The following UBE2N variants were observed in gnomAD, a reference collection of about 807,000 sequenced individuals.
UBE2N encodes the protein ubiquitin-conjugating enzyme E2 N.
For synonymous variants in UBE2N, 70 were observed against 69.2 expected (o/e 1.01, Z -0.06); for missense variants, 60 against 192.1 (o/e 0.31, Z 4.07).
At chr12:93,436,162 C>T (rs1187682492) in intron 1 of UBE2N, among the ~76,000 whole-genome samples, 3 of 152,106 alleles carry the variant, frequency 2.0e-5, no homozygotes, top group Non-Finnish European at 2.9e-5. Flanking sequence ...AGTGCAGTGG[C>T]GCGATCTAGG....
At chr12:93,431,550 G>A (rs141180125) in intron 1 of UBE2N, among the ~76,000 whole-genome samples, 5 of 152,212 alleles carry the variant, frequency 3.3e-5, no homozygotes, top group Non-Finnish European at 7.4e-5. Flanking sequence ...ATTAATGCAC[G>A]TAACATGCTT....
intron 1 of UBE2N, among the ~76,000 whole-genome samples, chr12:93,433,596 T>C (rs1289284939): frequency 6.6e-6 from 1 of 152,176 alleles, no homozygotes; most frequent in Non-Finnish European, 1.5e-5. Context: ...TTCCTTGATA[T>C]AATATTATTA....
chr12:93,421,393 G>C (rs1029797184), intron 1 of UBE2N, among the ~76,000 whole-genome samples: 1 of 152,052 alleles, frequency 6.6e-6, no homozygotes, highest in Non-Finnish European at 1.5e-5. Context: ...TAGTAGAGAC[G>C]GAGTTTCACC....
chr12:93,425,861 C>A (rs1156382927), intron 1 of UBE2N, among the ~76,000 whole-genome samples: 1 of 152,182 alleles, frequency 6.6e-6, no homozygotes, highest in Non-Finnish European at 1.5e-5. Flanking sequence ...CTTCTTTTGC[C>A]CCTCTAGGCA....
At chr12:93,440,796 C>T (rs1237039212) in intron 1 of UBE2N, among the ~76,000 whole-genome samples, 1 of 152,212 alleles carries the variant, frequency 6.6e-6, no homozygotes, top group African/African-American at 2.4e-5. Flanking sequence ...CGTCTGAAGA[C>T]TTGTCGATAT....
Position 93,407,428 on chromosome 12 carries a change from T to C in UBE2N, c.*2611A>G, listed in dbSNP as rs910662656. 5.3e-5 allele frequency: 8 copies of C among 152,362 alleles called. No homozygotes were observed. The highest frequency in any genetic ancestry group is 1.7e-4 in the African/African-American group (7 of 41,582). The allele number at this position is 152,362 out of a possible 1,614,324, so 9.4% of individuals were successfully genotyped here. A position where few individuals can be genotyped will look rare whatever the true frequency, so the allele number is the denominator to read the frequency against. Reference sequence around the variant, plus strand: ...GCAAACATGAAACACTTTTGTTGAATAATGTGTTTCCTTTAGCCCAGGGAT... The same window carrying C: ...GCAAACATGAAACACTTTTGTTGAACAATGTGTTTCCTTTAGCCCAGGGAT... On this transcript the variant is annotated 3_prime_UTR_variant, in exon 4 of 4. Transcript: ENST00000318066.
chr12:93,412,999 T>C (rs1315181327), intron 1 of UBE2N, among the ~76,000 whole-genome samples: 1 of 152,226 alleles, frequency 6.6e-6, no homozygotes. Flanking sequence ...CCTAATTAGA[T>C]GGGGAGGAAA....
intron 1 of UBE2N, among the ~76,000 whole-genome samples, chr12:93,430,877 G>A (rs1173172281): frequency 2.7e-5 from 4 of 150,628 alleles, no homozygotes; most frequent in Non-Finnish European, 4.4e-5. Context: ...TACTCGGGAT[G>A]CTGAGGCTGC....
chr12:93,418,376 A>G (rs1297851858), intron 1 of UBE2N, among the ~76,000 whole-genome samples: 1 of 152,002 alleles, frequency 6.6e-6, no homozygotes, highest in African/African-American at 2.4e-5. Flanking sequence ...AAACAAAACA[A>G]AACAAAACAA....
At position 93,440,248 on chromosome 12, in the gene UBE2N, A is replaced by T. The variant is rs139233803; in HGVS notation, c.30+1607T>A. Among the ~76,000 whole-genome samples, 5 of 152,322 alleles carry T rather than the reference A, an allele frequency of 3.3e-5. No homozygotes were observed. In the East Asian group the frequency reaches 9.6e-4, roughly 29 times the overall value. On this transcript the variant is annotated intron_variant, in intron 1 of 3. Transcript: ENST00000318066. ...TTTTTCAACTGGGGCCTCAATAAAC[A>T]TGACCTTTGGGGACCATGTGACTGC...
At chr12:93,425,373 T>C (rs1390309102) in intron 1 of UBE2N, among the ~76,000 whole-genome samples, 2 of 152,218 alleles carry the variant, frequency 1.3e-5, no homozygotes, top group Non-Finnish European at 2.9e-5. Context: ...ATTTCTACCA[T>C]CTTGAAAGTC....
chr12:93,436,576 G>C (rs1197661731), intron 1 of UBE2N, among the ~76,000 whole-genome samples: 1 of 152,070 alleles, frequency 6.6e-6, no homozygotes. Context: ...TCTCATTTGA[G>C]GGACATTTTA....
At chr12:93,432,591 ATT>A (rs752070930) in intron 1 of UBE2N, among the ~76,000 whole-genome samples, 5 of 152,300 alleles carry the variant, frequency 3.3e-5, no homozygotes, top group East Asian at 1.9e-4. Context: ...CATGATATAA[ATT>A]TGTTAGTTCT....
intron 1 of UBE2N, among the ~76,000 whole-genome samples, chr12:93,421,359 G>A (rs146592876): frequency 9.0e-4 from 137 of 151,986 alleles, no homozygotes; most frequent in African/African-American, 3.2e-3. Flanking sequence ...CCACCACCTC[G>A]CCCAGCTAAA....
chr12:93,405,895 A>T lies in UBE2N; in HGVS notation c.*4144T>A, dbSNP rs750114477. The T allele has an allele frequency of 6.6e-6, 1 of 152,214 alleles. No individual in the cohort carries two copies. Among genetic ancestry groups the T allele is most frequent in the Admixed American group, 6.5e-5 (1 of 15,280 alleles). The allele number at this position is 152,214 out of a possible 1,614,324, so 9.4% of individuals were successfully genotyped here. ...TTTTTCTTAAATAAAGCAATAAATT[A>T]GGTACCCTATTATCATGGTATTTTC... On this transcript the variant is annotated 3_prime_UTR_variant, in exon 4 of 4. Coordinates refer to ENST00000318066, the MANE Select transcript of UBE2N (RefSeq NM_003348.4).
chr12:93,420,356 A>C (rs1291453382), intron 1 of UBE2N, among the ~76,000 whole-genome samples: 1 of 152,200 alleles, frequency 6.6e-6, no homozygotes, highest in Non-Finnish European at 1.5e-5. Flanking sequence ...TGTGAAGCTC[A>C]GTGAAAAGGA....
At chr12:93,432,004 CG>C (rs945244393) in intron 1 of UBE2N, among the ~76,000 whole-genome samples, 1 of 152,116 alleles carries the variant, frequency 6.6e-6, no homozygotes. Context: ...GAGGCTGAGG[CG>C]GGCGGATCAC....
rs761995234 is a variant in UBE2N at position 93,409,988 on chromosome 12, G to A, written c.*51C>T. 4 of 1,576,640 alleles carry A rather than the reference G, an allele frequency of 2.5e-6. No individual in the cohort carries two copies. Among genetic ancestry groups the A allele is most frequent in the South Asian group, 1.1e-5 (1 of 89,590 alleles). On this transcript the variant is annotated 3_prime_UTR_variant, in exon 4 of 4. Coordinates refer to ENST00000318066, the MANE Select transcript of UBE2N (RefSeq NM_003348.4). Reference sequence around the variant, plus strand: ...TCCATTAAATGCAAACAAAGAGGAGGAAGTCTTGGCAGAACAGGAGAAGTG... The same window carrying A: ...TCCATTAAATGCAAACAAAGAGGAGAAAGTCTTGGCAGAACAGGAGAAGTG...
rs191289755 is a variant in UBE2N, at chr12:93,409,176, G to A, written c.*863C>T. The A allele has an allele frequency of 1.3e-5, 2 of 152,694 alleles. No homozygotes were observed. Among genetic ancestry groups the A allele is most frequent in the Admixed American group, 6.5e-5 (1 of 15,300 alleles). The allele number at this position is 152,694 out of a possible 1,614,324, so 9.5% of individuals were successfully genotyped here. On this transcript the variant is annotated 3_prime_UTR_variant, in exon 4 of 4. Transcript: ENST00000318066. ...GGCCAGTTTATAAATACTCCATTCA[G>A]TACTATCTTAACACAAATCTGCATC...
Sources: allele counts gnomAD v4.1 joint callset (sites outside exome capture counted in the v4.1 genomes callset), GRCh38; gene constraint gnomAD v4.1.1; transcripts MANE v1.5; gene names NCBI Gene and HGNC (gene_info 2026-07-23, HGNC 2026-07-21).